The following ARID4B variants were observed in gnomAD, a reference collection of about 807,000 sequenced individuals.
ARID4B encodes AT-rich interaction domain 4B.
Under a neutral mutation model 147.5 loss-of-function variants are expected in ARID4B, and 26 were observed. The observed-to-expected ratio is 0.18, with a 90% CI of 0.13 to 0.24. The LOEUF (loss-of-function observed/expected upper bound fraction) is 0.24, where lower values mean the gene tolerates loss of function less well. Ranked by LOEUF, ARID4B falls within the 10% of genes least tolerant of loss-of-function variation. ARID4B has a pLI of 1.00. For missense variants in ARID4B, 1,179 were observed against 1,511.5 expected (o/e 0.78, Z 3.65); for synonymous variants, 512 against 507.9 (o/e 1.01, Z -0.11).
chr1:235,221,884 CTATT>C (rs1667487833), intron 13 of ARID4B, among the ~76,000 whole-genome samples: 7 of 78,552 alleles, frequency 8.9e-5, no homozygotes, highest in Admixed American at 1.5e-4. Flanking sequence ...AGTCATTTGA[CTATT>C]TTTTTTTTTT....
chr1:235,303,084 C>G (rs992039262), intron 2 of ARID4B, among the ~76,000 whole-genome samples: 1 of 152,042 alleles, frequency 6.6e-6, no homozygotes, highest in Non-Finnish European at 1.5e-5. Context: ...CCACCACACC[C>G]GGCTAATTTT....
chr1:235,272,576 A>C (rs1406415692), intron 2 of ARID4B, among the ~76,000 whole-genome samples: 1 of 152,182 alleles, frequency 6.6e-6, no homozygotes, highest in African/African-American at 2.4e-5. Flanking sequence ...ATCAAACTTT[A>C]GGTTCATAAC....
chr1:235,300,022 C>G (rs1304509388), intron 2 of ARID4B, among the ~76,000 whole-genome samples: 1 of 152,128 alleles, frequency 6.6e-6, no homozygotes, highest in Admixed American at 6.5e-5. Context: ...TACCCTCGCT[C>G]CCCCATAAAA....
At chr1:235,198,632 T>C (rs1665665068) in intron 17 of ARID4B, among the ~76,000 whole-genome samples, 1 of 152,170 alleles carries the variant, frequency 6.6e-6, no homozygotes. Context: ...AGAAGGATGG[T>C]ACAAGAGGAC....
At chr1:235,225,649 T>C (rs1667778434) in intron 11 of ARID4B, among the ~76,000 whole-genome samples, 1 of 152,200 alleles carries the variant, frequency 6.6e-6, no homozygotes, top group Admixed American at 6.5e-5. Context: ...TGATTCCAAA[T>C]ATACAGCTAG....
intron 2 of ARID4B, among the ~76,000 whole-genome samples, chr1:235,280,953 GAAA>G (rs201811610): frequency 7.0e-6 from 1 of 142,996 alleles, no homozygotes; most frequent in Admixed American, 7.0e-5. Flanking sequence ...GTATAAAAAC[GAAA>G]AAAAAAGAGT....
intron 6 of ARID4B, among the ~76,000 whole-genome samples, chr1:235,248,872 A>G (rs980975812): frequency 1.3e-5 from 2 of 152,174 alleles, no homozygotes; most frequent in African/African-American, 4.8e-5. Context: ...AGCAAAAACC[A>G]GAGGCTCCTG....
chr1:235,318,785 G>T (rs1005526744), intron 2 of ARID4B, among the ~76,000 whole-genome samples: 4 of 152,000 alleles, frequency 2.6e-5, no homozygotes, highest in Admixed American at 2.6e-4. Context: ...GGAGCTGGAG[G>T]CAGGAAGATC....
chr1:235,186,698 C>A (rs1489056436), intron 19 of ARID4B, among the ~76,000 whole-genome samples: 1 of 138,586 alleles, frequency 7.2e-6, no homozygotes, highest in Non-Finnish European at 1.6e-5. Flanking sequence ...CCACTGTGCC[C>A]AGCTCTACTG....
chr1:235,306,185 AGC>A (rs1673544612), intron 2 of ARID4B, among the ~76,000 whole-genome samples: 7 of 152,176 alleles, frequency 4.6e-5, no homozygotes, highest in Admixed American at 2.6e-4. Flanking sequence ...ATGTTACTTT[AGC>A]AATAAAGACA....
chr1:235,240,372 C>G lies in ARID4B; in HGVS notation c.526G>C (p.Val176Leu), dbSNP rs1314617665. 1 of 1,613,598 alleles carries G rather than the reference C, an allele frequency of 6.2e-7. No homozygotes were observed. The highest frequency in any genetic ancestry group is 1.7e-5 in the Admixed American group (1 of 59,998). ...RKQIDELLGK[V>L]VCVDYISLDK... is the part of the protein sequence containing the mutation. ...AAACTAATGTAATCTACACATACAA[C>G]TTTGCCTAGTAGCTCATCAATCTGT... Residue 176 changes from valine (V) to leucine (L), a missense_variant, in exon 8 of 24, where the codon GTT becomes CTT. By Grantham distance (32) the Val-to-Leu change is conservative. Coordinates refer to ENST00000264183, the MANE Select transcript of ARID4B (RefSeq NM_016374.6).
intron 2 of ARID4B, among the ~76,000 whole-genome samples, chr1:235,277,952 T>C (rs1445714078): frequency 6.6e-6 from 1 of 152,184 alleles, no homozygotes; most frequent in African/African-American, 2.4e-5. Flanking sequence ...CAGTAATTAA[T>C]GGTTAAGTCA....
intron 23 of ARID4B, among the ~76,000 whole-genome samples, chr1:235,171,528 C>T (rs1457004643): frequency 2.6e-5 from 4 of 152,088 alleles, no homozygotes; most frequent in Middle Eastern, 3.2e-3. Context: ...TATTTAGGAA[C>T]CGACTTTTAA....
At chr1:235,259,202 T>C (rs1558254308) in intron 3 of ARID4B, among the ~76,000 whole-genome samples, 2 of 152,240 alleles carry the variant, frequency 1.3e-5, no homozygotes, top group Non-Finnish European at 2.9e-5. Context: ...GTTTTGTTCC[T>C]TTCATTTACA....
At chr1:235,216,018 T>C (rs1667050131) in intron 16 of ARID4B, among the ~76,000 whole-genome samples, 1 of 152,022 alleles carries the variant, frequency 6.6e-6, no homozygotes, top group Admixed American at 6.6e-5. Flanking sequence ...GCAACAAAAA[T>C]AATATATAAA....
intron 2 of ARID4B, among the ~76,000 whole-genome samples, chr1:235,290,648 C>G (rs778198351): frequency 6.6e-6 from 1 of 152,162 alleles, no homozygotes; most frequent in East Asian, 1.9e-4. Context: ...ATACATCTGT[C>G]CTATACAGAA....
At chr1:235,214,066 C>A (rs1558208703) in intron 16 of ARID4B, 40 bp from the exon 17 acceptor site, 1 of 1,562,110 alleles carries the variant, frequency 6.4e-7, no homozygotes, top group Non-Finnish European at 8.6e-7. Flanking sequence ...ATAAAAGACA[C>A]TTCATAAGTT....
intron 2 of ARID4B, among the ~76,000 whole-genome samples, chr1:235,302,693 CTTAT>C (rs1339006995): frequency 6.6e-6 from 1 of 152,186 alleles, no homozygotes; most frequent in African/African-American, 2.4e-5. Context: ...TCTCCTTTCT[CTTAT>C]TTGTCATTAC....
At chr1:235,282,666 C>CCTAT (rs1413060168) in intron 2 of ARID4B, among the ~76,000 whole-genome samples, 1 of 152,020 alleles carries the variant, frequency 6.6e-6, no homozygotes, top group Admixed American at 6.6e-5. Context: ...TTTAAGAACT[C>CCTAT]CTATTGTACC....
Sources: allele counts gnomAD v4.1 joint callset (sites outside exome capture counted in the v4.1 genomes callset), GRCh38; gene constraint gnomAD v4.1.1; transcripts MANE v1.5; gene names NCBI Gene and HGNC (gene_info 2026-07-23, HGNC 2026-07-21).